The following CDH13 variants were observed in gnomAD, a reference collection of about 807,000 sequenced individuals.
CDH13 encodes cadherin 13, also known as cadherin-13.
A neutral mutation model predicts 63.8 loss-of-function variants in CDH13; 24 were observed. The ratio of observed to expected loss-of-function variants is 0.38; its 90% confidence interval spans 0.27 to 0.53. CDH13 has a LOEUF of 0.53. CDH13 is among the 20% of genes least tolerant of loss of function. The pLI is 0.85. For missense variants in CDH13, 1,049 were observed against 903.1 expected, an observed-to-expected ratio of 1.16 and a Z score of -2.07; for synonymous variants, 503 against 355.3, an observed-to-expected ratio of 1.42 and a Z score of -4.67.
chr16:83,002,870 C>T (rs72794159), intron 2 of CDH13, among the ~76,000 whole-genome samples: 2 of 152,120 alleles, frequency 1.3e-5, no homozygotes, highest in Admixed American at 1.3e-4. Flanking sequence ...GCAGCAAAGG[C>T]TGACAAGACC....
At chr16:82,887,048 G>C (rs191819236) in intron 2 of CDH13, among the ~76,000 whole-genome samples, 3 of 152,122 alleles carry the variant, frequency 2.0e-5, no homozygotes, top group Admixed American at 1.3e-4. Flanking sequence ...TATCTGTGTA[G>C]GTTTCTCACC....
rs548010846 is a variant in CDH13 at position 83,024,756 on chromosome 16, A to G, written c.158-7254A>G. Reference sequence around the variant, plus strand: ...ACATTTGTACGAAGTTGTCTTCACCAACAATCCGTTTGGAGAATATCGAAC... The same window carrying G: ...ACATTTGTACGAAGTTGTCTTCACCGACAATCCGTTTGGAGAATATCGAAC... On this transcript the variant is annotated intron_variant, in intron 2 of 13. Transcript: ENST00000567109. Among the ~76,000 whole-genome samples, 41 of 152,364 alleles carry G rather than the reference A, an allele frequency of 2.7e-4. No individual in the cohort carries two copies. In the South Asian group the frequency reaches 7.5e-3, roughly 28 times the overall value.
At chr16:83,279,409 A>G (rs1240693024) in intron 5 of CDH13, among the ~76,000 whole-genome samples, 3 of 152,220 alleles carry the variant, frequency 2.0e-5, no homozygotes, top group Admixed American at 6.5e-5. Flanking sequence ...TTGTTTTACA[A>G]TTCTGTTAGA....
chr16:83,594,755 A>T (rs1473745408), intron 7 of CDH13, among the ~76,000 whole-genome samples: 1 of 152,198 alleles, frequency 6.6e-6, no homozygotes, highest in Admixed American at 6.5e-5. Context: ...TATGCTTGTT[A>T]TTAGTGATAA....
At chr16:83,157,615 C>T (rs947074064) in intron 4 of CDH13, among the ~76,000 whole-genome samples, 4 of 152,046 alleles carry the variant, frequency 2.6e-5, no homozygotes, top group African/African-American at 9.7e-5. Context: ...ATATGTCCGG[C>T]CGGGCGCGGT....
At chr16:83,100,830 C>G (rs72798335) in intron 3 of CDH13, among the ~76,000 whole-genome samples, 8,424 of 152,286 alleles carry the variant, frequency 0.055, 286 homozygotes, top group Non-Finnish European at 0.072. Context: ...GGGTAAATTT[C>G]AGCCCTCAGC....
chr16:83,648,898 C>G (rs1912093678), intron 8 of CDH13, among the ~76,000 whole-genome samples: 1 of 151,856 alleles, frequency 6.6e-6, no homozygotes, highest in South Asian at 2.1e-4. Context: ...TGTGTCTTTT[C>G]CTGCCTTCTT....
intron 5 of CDH13, among the ~76,000 whole-genome samples, chr16:83,237,765 A>G (rs2151811042): frequency 6.6e-6 from 1 of 152,338 alleles, no homozygotes; most frequent in East Asian, 1.9e-4. Flanking sequence ...GGTAGAAATG[A>G]GAGAATATGC....
intron 4 of CDH13, among the ~76,000 whole-genome samples, chr16:83,166,104 A>G (rs1372677335): frequency 6.6e-6 from 1 of 152,134 alleles, no homozygotes; most frequent in Non-Finnish European, 1.5e-5. Flanking sequence ...GATGCTGACA[A>G]TTTGCAGTTG....
At chr16:83,548,184 G>T (rs565427022) in intron 7 of CDH13, among the ~76,000 whole-genome samples, 1 of 152,090 alleles carries the variant, frequency 6.6e-6, no homozygotes, top group Non-Finnish European at 1.5e-5. Flanking sequence ...GGTGGGGAGA[G>T]GTAGACAGAT....
At chr16:82,664,255 TCTC>T (rs1466763043) in intron 1 of CDH13, among the ~76,000 whole-genome samples, 3 of 152,336 alleles carry the variant, frequency 2.0e-5, no homozygotes, top group Non-Finnish European at 4.4e-5. Context: ...TGGCTGTGTC[TCTC>T]CTCCTCAGAT....
intron 9 of CDH13, among the ~76,000 whole-genome samples, chr16:83,676,359 C>T (rs1259009156): frequency 6.6e-6 from 1 of 152,180 alleles, no homozygotes; most frequent in African/African-American, 2.4e-5. Context: ...TGCTCTGCAT[C>T]TCACTGCTGT....
intron 1 of CDH13, among the ~76,000 whole-genome samples, chr16:82,817,698 A>T (rs985227429): frequency 6.6e-6 from 1 of 152,038 alleles, no homozygotes; most frequent in African/African-American, 2.4e-5. Flanking sequence ...CCAGCTACTC[A>T]GGAGGCTGAG....
At position 82,632,928 on chromosome 16, in the gene CDH13, G is replaced by A. The variant is rs377059196; in HGVS notation, c.45+5791G>A. 3.3e-5 allele frequency among the ~76,000 whole-genome samples: 5 copies of A among 152,182 alleles called. No homozygotes were observed. In the East Asian group the frequency reaches 5.8e-4, roughly 18 times the overall value. On this transcript the variant is annotated intron_variant, in intron 1 of 13. Coordinates refer to ENST00000567109, the MANE Select transcript of CDH13 (RefSeq NM_001257.5). The stretch of plus-strand genomic sequence containing the variant: ...CATTAGACTCTCATAAGGAGAAGGC[G>A]ACCTAGATCCCATGCACGCACACAG...
intron 3 of CDH13, among the ~76,000 whole-genome samples, chr16:83,110,794 T>C (rs906255474): frequency 7.9e-5 from 12 of 151,916 alleles, no homozygotes; most frequent in African/African-American, 2.9e-4. Flanking sequence ...GTGTGACAGT[T>C]ACAAGGGGCT....
At chr16:83,073,975 C>A (rs931703228) in intron 3 of CDH13, among the ~76,000 whole-genome samples, 2 of 152,146 alleles carry the variant, frequency 1.3e-5, no homozygotes, top group African/African-American at 4.8e-5. Flanking sequence ...AATCATTTAT[C>A]ATTTCTATGT....
At chr16:82,628,100 G>T (rs1201874519) in intron 1 of CDH13, among the ~76,000 whole-genome samples, 1 of 152,222 alleles carries the variant, frequency 6.6e-6, no homozygotes, top group Non-Finnish European at 1.5e-5. Flanking sequence ...GCGCTCCGAG[G>T]CCAGGCCTGG....
chr16:82,669,372 A>G (rs1203442607), intron 1 of CDH13, among the ~76,000 whole-genome samples: 2 of 152,246 alleles, frequency 1.3e-5, no homozygotes, highest in East Asian at 3.8e-4. Context: ...ACGCAGGTAC[A>G]ATATATCTTA....
intron 2 of CDH13, among the ~76,000 whole-genome samples, chr16:82,918,332 T>G (rs2042053764): frequency 6.6e-6 from 1 of 152,124 alleles, no homozygotes; most frequent in Non-Finnish European, 1.5e-5. Context: ...GAGAAAATGG[T>G]GATTAGAATC....
Sources: gnomAD v4.1 joint callset for allele counts (sites outside exome capture counted in the v4.1 genomes callset) on GRCh38, gnomAD v4.1.1 for gene constraint, MANE v1.5 for transcripts, NCBI Gene and HGNC (gene_info 2026-07-23, HGNC 2026-07-21) for gene names.